Variants in CENPK observed in about 807,000 individuals in gnomAD.
CENPK encodes the protein centromere protein K, also known as SoxLZ/Sox6-binding protein Solt.
CENPK carries 46 observed loss-of-function variants against 40.9 expected under a neutral mutation model. That is an observed-to-expected ratio of 1.13 (90% confidence interval 0.89 to 1.44). The LOEUF (loss-of-function observed/expected upper bound fraction) is 1.44, where lower values mean the gene tolerates loss of function less well. Ranked by LOEUF, CENPK falls within the 40% of genes most tolerant of loss-of-function variation. The pLI is 0.00. For synonymous variants in CENPK, 107 were observed against 104.4 expected (o/e 1.02, Z -0.15); for missense variants, 288 against 303.5 (o/e 0.95, Z 0.38).
In CENPK at chr5:65,552,490, T is replaced by A; in HGVS notation, c.168+3A>T. On this transcript the variant is annotated splice_donor_region_variant and intron_variant, in intron 4 of 10. Transcript: ENST00000396679. ...TATTTTTTAGGAAGAAAAAGATTCA[T>A]ACCTGAGCATTTGAATCGGTGAGTG... The A allele has an allele frequency of 2.0e-6, 3 of 1,528,272 alleles. No individual in the cohort carries two copies. Among genetic ancestry groups the A allele is most frequent in the Non-Finnish European group, 1.8e-6 (2 of 1,132,108 alleles). 94.7% of individuals were successfully genotyped at this position (1,528,272 alleles called of 1,614,324 possible). A position where few individuals can be genotyped will look rare whatever the true frequency, so the allele number is the denominator to read the frequency against.
rs1001509723 is a variant in CENPK, at chr5:65,561,543, C to T, written c.-120G>A. On this transcript the variant is annotated 5_prime_UTR_variant, in exon 2 of 11. Coordinates refer to ENST00000396679, the MANE Select transcript of CENPK (RefSeq NM_022145.5). ...AACCAGAAAATGATGGCACCCAGAT[C>T]TTGAATCTCCAGCCTCTAGACCTGT... is the stretch of plus-strand genomic sequence containing the variant. 1.1e-5 allele frequency: 5 copies of T among 455,786 alleles called. No individual in the cohort carries two copies. Among genetic ancestry groups the T allele is most frequent in the African/African-American group, 1.0e-4 (5 of 50,042 alleles). 28.2% of individuals were successfully genotyped at this position (455,786 alleles called of 1,614,324 possible). A position where few individuals can be genotyped will look rare whatever the true frequency, so the allele number is the denominator to read the frequency against.
intron 6 of CENPK, among the ~76,000 whole-genome samples, chr5:65,536,991 G>A (rs1039659598): frequency 3.9e-5 from 6 of 152,178 alleles, no homozygotes; most frequent in East Asian, 1.9e-4. Context: ...CAGCCCTGCC[G>A]TTTCCTGTCT....
intron 6 of CENPK, among the ~76,000 whole-genome samples, chr5:65,532,154 G>A (rs987390437): frequency 5.9e-5 from 9 of 152,066 alleles, no homozygotes; most frequent in Non-Finnish European, 1.2e-4. Context: ...TAAATTCTTT[G>A]AGAGACATAA....
intron 6 of CENPK, among the ~76,000 whole-genome samples, chr5:65,534,916 CCA>C (rs1746599558): frequency 6.6e-6 from 1 of 152,248 alleles, no homozygotes. Flanking sequence ...CTCCAAAACA[CCA>C]CAGAGAAAAT....
intron 6 of CENPK, chr5:65,541,557 T>G: frequency 2.4e-6 from 1 of 417,562 alleles, no homozygotes; most frequent in Non-Finnish European, 4.9e-6. Flanking sequence ...TCTCTATCCT[T>G]AGACACATGT....
intron 6 of CENPK, among the ~76,000 whole-genome samples, chr5:65,530,617 C>T (rs1745619188): frequency 1.3e-5 from 2 of 152,132 alleles, no homozygotes; most frequent in African/African-American, 4.8e-5. Flanking sequence ...AAATATAAAT[C>T]AGTGATAAGT....
downstream of CENPK, among the ~76,000 whole-genome samples, chr5:65,517,029 A>G (rs1013928514): frequency 2.0e-5 from 3 of 151,394 alleles, no homozygotes; most frequent in African/African-American, 7.3e-5. Context: ...TGCAACTTCT[A>G]CCTCCCAGGT....
At chr5:65,541,499 T>A in intron 6 of CENPK, 1 of 454,082 alleles carries the variant, frequency 2.2e-6, no homozygotes, top group East Asian at 7.0e-5. Context: ...AGGTGCTACG[T>A]TGTATTGAGT....
chr5:65,524,802 C>T (rs1744396198), intron 9 of CENPK: 1 of 152,776 alleles, frequency 6.5e-6, no homozygotes, highest in East Asian at 1.9e-4. Flanking sequence ...TATAACCTGC[C>T]AAAGTAAAAA....
intron 6 of CENPK, among the ~76,000 whole-genome samples, chr5:65,535,685 T>C (rs967677047): frequency 6.6e-6 from 1 of 152,208 alleles, no homozygotes; most frequent in Non-Finnish European, 1.5e-5. Flanking sequence ...GCTTATCCCA[T>C]GTGCCTTTTC....
intron 9 of CENPK, among the ~76,000 whole-genome samples, chr5:65,524,148 G>A (rs1487817579): frequency 6.6e-6 from 1 of 152,014 alleles, no homozygotes; most frequent in Non-Finnish European, 1.5e-5. Context: ...GGCCAAGGCG[G>A]GCAGATCACC....
downstream of CENPK, among the ~76,000 whole-genome samples, chr5:65,513,454 C>A (rs973733387): frequency 2.0e-5 from 3 of 152,148 alleles, no homozygotes; most frequent in Non-Finnish European, 2.9e-5. Flanking sequence ...CTACTTATTT[C>A]TATCTTCAAT....
chr5:65,544,540 A>G (rs894104410), intron 5 of CENPK, among the ~76,000 whole-genome samples: 4 of 152,212 alleles, frequency 2.6e-5, no homozygotes, highest in South Asian at 2.1e-4. Context: ...TAGACATCCA[A>G]AAGAATTGAA....
intron 9 of CENPK, among the ~76,000 whole-genome samples, chr5:65,525,891 C>T (rs1008604578): frequency 3.3e-5 from 5 of 152,096 alleles, no homozygotes; most frequent in African/African-American, 9.7e-5. Context: ...ACCTTCCTTT[C>T]GTCTTGAACT....
chr5:65,556,277 A>T (rs1344633923), intron 2 of CENPK, among the ~76,000 whole-genome samples: 1 of 152,340 alleles, frequency 6.6e-6, no homozygotes, highest in East Asian at 1.9e-4. Flanking sequence ...GTTCCAGAAC[A>T]GCCTGGCAAC....
At chr5:65,554,229 C>T (rs1345514344) in intron 3 of CENPK, among the ~76,000 whole-genome samples, 1 of 151,954 alleles carries the variant, frequency 6.6e-6, no homozygotes, top group African/African-American at 2.4e-5. Flanking sequence ...GCAACATCCG[C>T]CTCCTGGGTT....
At chr5:65,550,318 T>A (rs897471123) in intron 5 of CENPK, 3 of 152,236 alleles carry the variant, frequency 2.0e-5, no homozygotes, top group Non-Finnish European at 4.4e-5. Context: ...AATTTAAAGT[T>A]ATCGATGTGC....
At position 65,529,034 on chromosome 5, in the gene CENPK, AC is replaced by A; in HGVS notation, c.372-18del. The A allele has an allele frequency of 6.3e-7, 1 of 1,578,070 alleles. No individual in the cohort carries two copies. Among genetic ancestry groups the A allele is most frequent in the Non-Finnish European group, 8.7e-7 (1 of 1,152,374 alleles). ...CGTTGTTCCCTTTCGACATGGAAAAACAATACAAGCAATATCTAAATAAAAC... is the reference window on the plus strand; with the variant it reads ...CGTTGTTCCCTTTCGACATGGAAAAAAATACAAGCAATATCTAAATAAAAC... On this transcript the variant is annotated intron_variant, in intron 7 of 10. Coordinates refer to ENST00000396679, the MANE Select transcript of CENPK (RefSeq NM_022145.5).
At chr5:65,558,480 C>G (rs939084634) in intron 2 of CENPK, among the ~76,000 whole-genome samples, 1 of 152,072 alleles carries the variant, frequency 6.6e-6, no homozygotes, top group Non-Finnish European at 1.5e-5. Flanking sequence ...TGTAGAAATT[C>G]TATGTGGATT....
Sources: gnomAD v4.1 joint callset for allele counts (sites outside exome capture counted in the v4.1 genomes callset) on GRCh38, gnomAD v4.1.1 for gene constraint, MANE v1.5 for transcripts, NCBI Gene and HGNC (gene_info 2026-07-23, HGNC 2026-07-21) for gene names.